The following TAOK1 variants were observed in gnomAD, a reference collection of about 807,000 sequenced individuals.
TAOK1 encodes the protein serine/threonine-protein kinase TAO1.
In TAOK1, 21 loss-of-function variants were observed where a neutral mutation model predicts 138.3. The ratio of observed to expected loss-of-function variants is 0.15; its 90% CI spans 0.11 to 0.22. TAOK1 has a LOEUF of 0.22. Ranked by LOEUF, TAOK1 falls within the 10% of genes least tolerant of loss-of-function variation. The pLI, the probability that TAOK1 is intolerant of heterozygous loss-of-function variation, is 1.00. For missense variants in TAOK1, 651 were observed against 1,227.7 expected, an observed-to-expected ratio of 0.53 and a Z score of 7.02; for synonymous variants, 361 against 398.4, an observed-to-expected ratio of 0.91 and a Z score of 1.12.
chr17:29,517,207 C>T (rs1026001522), intron 15 of TAOK1, among the ~76,000 whole-genome samples: 2 of 152,024 alleles, frequency 1.3e-5, no homozygotes, highest in Non-Finnish European at 2.9e-5. Flanking sequence ...CCAGGATGGT[C>T]TCGATCTCCT....
At chr17:29,419,332 G>C (rs753692117) in intron 1 of TAOK1, among the ~76,000 whole-genome samples, 16 of 151,910 alleles carry the variant, frequency 1.1e-4, no homozygotes, top group Non-Finnish European at 2.2e-4. Flanking sequence ...CAGTAGCTGG[G>C]ATTACAGGCA....
chr17:29,504,024 T>C (rs935180238), intron 13 of TAOK1, among the ~76,000 whole-genome samples: 10 of 151,544 alleles, frequency 6.6e-5, no homozygotes, highest in Non-Finnish European at 1.5e-4. Flanking sequence ...GGCTGGAGAA[T>C]CGCTTGAACC....
chr17:29,392,642 A>G (rs1394111552), intron 1 of TAOK1, among the ~76,000 whole-genome samples: 1 of 152,186 alleles, frequency 6.6e-6, no homozygotes, highest in Non-Finnish European at 1.5e-5. Flanking sequence ...TTTAGTAAAT[A>G]CTGGTGATGT....
intron 1 of TAOK1, among the ~76,000 whole-genome samples, chr17:29,399,673 T>C (rs1218991188): frequency 6.6e-6 from 1 of 152,180 alleles, no homozygotes; most frequent in Admixed American, 6.6e-5. Context: ...AGTTAGAATA[T>C]CAAGGTAGCT....
In TAOK1 at chr17:29,482,158, T is replaced by G. The variant is rs76881935; in HGVS notation, c.564-39T>G. The G allele has an allele frequency of 2.0e-6, 3 of 1,486,632 alleles. No homozygotes were observed. In the South Asian group the frequency reaches 3.5e-5, roughly 17 times the overall value. 92.1% of individuals were successfully genotyped at this position (1,486,632 alleles called of 1,614,324 possible). A position where few individuals can be genotyped will look rare whatever the true frequency, so the allele number is the denominator to read the frequency against. On this transcript the variant is annotated intron_variant, in intron 7 of 19. Transcript: ENST00000261716. ...CATTCTCAAAGGATAGAATACTTTT[T>G]AAAAAAAATCTTTAATTTAAATTAA...
Position 29,444,352 on chromosome 17 carries a change from G to T in TAOK1, c.-94-7103G>T, listed in dbSNP as rs557299738. Among the ~76,000 whole-genome samples the T allele has an allele frequency of 4.6e-5, 7 of 152,292 alleles. No homozygotes were observed. The East Asian group carries it at 1.4e-3, about 29-fold the overall frequency. ...TGTTGTAACAATATTCTGAATAGGT[G>T]CAGGGTAACCAGGATGGTGCTAATT... On this transcript the variant is annotated intron_variant, in intron 1 of 19. Transcript: ENST00000261716.
intron 1 of TAOK1, among the ~76,000 whole-genome samples, chr17:29,432,114 A>G (rs1008003084): frequency 2.0e-5 from 3 of 152,204 alleles, no homozygotes; most frequent in African/African-American, 4.8e-5. Flanking sequence ...GTGGGAAATC[A>G]GGGGGCTGAC....
Position 29,517,578 on chromosome 17 carries a change from C to T in TAOK1, c.1830C>T (p.Tyr610=), listed in dbSNP as rs987118312. The T allele has an allele frequency of 6.2e-7, 1 of 1,613,774 alleles. No individual in the cohort carries two copies. Among genetic ancestry groups the T allele is most frequent in the Non-Finnish European group, 8.5e-7 (1 of 1,180,024 alleles). ...ACCTTCTTCGACGTCAAAGACAATA[C>T]CTAGAGCTGGAATGCCGTCGCTTCA... The part of the protein sequence containing the change: ...EANLLRRQRQ[Y]LELECRRFKR... The change falls in exon 16 of 20, where the codon TAC becomes TAT. Residue 610 remains tyrosine (Y), a synonymous_variant. Transcript: ENST00000261716.
intron 1 of TAOK1, among the ~76,000 whole-genome samples, chr17:29,405,897 G>T (rs1904978330): frequency 6.6e-6 from 1 of 152,092 alleles, no homozygotes; most frequent in African/African-American, 2.4e-5. Flanking sequence ...AGGCAGTGTG[G>T]TTATTAAAAT....
Position 29,545,324 on chromosome 17 carries a change from A to G in TAOK1, c.*2302A>G, listed in dbSNP as rs1427356613. The stretch of plus-strand genomic sequence containing the variant: ...AATTTAATAAAATGTCAAAAATACA[A>G]TTTGATACCCTTAAAAATTATTCAT... On this transcript the variant is annotated 3_prime_UTR_variant, in exon 20 of 20. Transcript: ENST00000261716. 1 of 152,220 alleles carries G rather than the reference A, an allele frequency of 6.6e-6. No individual in the cohort carries two copies. Among genetic ancestry groups the G allele is most frequent in the Non-Finnish European group, 1.5e-5 (1 of 68,028 alleles). The allele number at this position is 152,220 out of a possible 1,614,324, so 9.4% of individuals were successfully genotyped here.
chr17:29,394,243 G>A lies in TAOK1; in HGVS notation c.-95+3219G>A, dbSNP rs184347372. Among the ~76,000 whole-genome samples, 84 of 127,628 alleles carry A rather than the reference G, an allele frequency of 6.6e-4. 1 individual carries two copies. The East Asian group carries it at 0.022, about 34-fold the overall frequency. The allele number at this position is 127,628 out of a possible 152,430, so 83.7% of individuals were successfully genotyped here. ...TGCAGTGGCACGATCTCGGCTCACT[G>A]CAAGTTCCACCTCCTGGGTTTACGC... On this transcript the variant is annotated intron_variant, in intron 1 of 19. Transcript: ENST00000261716.
rs776066355 is a variant in TAOK1 at position 29,510,895 on chromosome 17, T to G, written c.1607T>G (p.Phe536Cys). The G allele has an allele frequency of 6.2e-7, 1 of 1,606,068 alleles. No homozygotes were observed. Among genetic ancestry groups the G allele is most frequent in the Admixed American group, 1.7e-5 (1 of 58,576 alleles). Residue 536 changes from phenylalanine to cysteine, a missense_variant, in exon 15 of 20, where the codon TTT becomes TGT. Around this residue, in one of 8 missense-constraint regions of TAOK1, gnomAD observed 258 missense variants for 548.9 expected, o/e 0.47. Coordinates refer to ENST00000261716, the MANE Select transcript of TAOK1 (RefSeq NM_020791.4). ...AKVMSNEEKK[F>C]QQHIQAQQKK... is the part of the protein sequence containing the mutation. ...GTGATGTCCAATGAAGAGAAAAAAT[T>G]TCAGCAACATATTCAGGCCCAACAG... is the stretch of plus-strand genomic sequence containing the variant.
chr17:29,522,094 A>C (rs771943841), intron 16 of TAOK1, among the ~76,000 whole-genome samples, 186 bp from the exon 17 acceptor site: 1 of 152,252 alleles, frequency 6.6e-6, no homozygotes, highest in Non-Finnish European at 1.5e-5. Flanking sequence ...AAATGAATAT[A>C]AGGAAATTTG....
intron 8 of TAOK1, among the ~76,000 whole-genome samples, chr17:29,488,619 T>TTTAATTGTTTAACAA (rs1567732493): frequency 6.8e-6 from 1 of 147,882 alleles, no homozygotes; most frequent in Non-Finnish European, 1.5e-5. Context: ...TTGTTAATTT[T>TTTAATTGTTTAACAA]TTAATTGTTA....
Position 29,547,908 on chromosome 17 carries a change from T to G in TAOK1, c.*4886T>G, listed in dbSNP as rs555635228. 6.6e-6 allele frequency: 1 copy of G among 152,128 alleles called. No homozygotes were observed. Among genetic ancestry groups the G allele is most frequent in the Non-Finnish European group, 1.5e-5 (1 of 67,988 alleles). 9.4% of individuals were successfully genotyped at this position (152,128 alleles called of 1,614,324 possible). A position where few individuals can be genotyped will look rare whatever the true frequency, so the allele number is the denominator to read the frequency against. On this transcript the variant is annotated 3_prime_UTR_variant, in exon 20 of 20. Transcript: ENST00000261716. ...CCTCTTGTATGCAAGGACTACTGAT[T>G]GAAGTCTGTTTTGCTGTGTCTGGTT... is the stretch of plus-strand genomic sequence containing the variant.
intron 3 of TAOK1, among the ~76,000 whole-genome samples, chr17:29,467,623 G>A (rs1232088675): frequency 6.6e-6 from 1 of 151,924 alleles, no homozygotes; most frequent in Non-Finnish European, 1.5e-5. Flanking sequence ...TTTTAACTGG[G>A]GAGGAAGGGT....
intron 1 of TAOK1, among the ~76,000 whole-genome samples, chr17:29,436,968 G>C (rs941165691): frequency 3.3e-5 from 5 of 152,068 alleles, no homozygotes; most frequent in African/African-American, 1.2e-4. Flanking sequence ...TAAAACACTT[G>C]ATATTATAAA....
At chr17:29,429,209 T>G (rs74612045) in intron 1 of TAOK1, among the ~76,000 whole-genome samples, 6 of 152,206 alleles carry the variant, frequency 3.9e-5, no homozygotes, top group Admixed American at 1.3e-4. Context: ...TTGTTTTTAC[T>G]TAATAATTTC....
At position 29,514,828 on chromosome 17, in the gene TAOK1, G is replaced by GC. The variant is rs1236503825; in HGVS notation, c.1705-2624dup. ...GCAACATGTTGAGACCCTGTGTCTAGCAAAAAAAAAAAAAAAAATCATTAG... is the reference window on the plus strand; with the variant it reads ...GCAACATGTTGAGACCCTGTGTCTAGCCAAAAAAAAAAAAAAAAATCATTAG... On this transcript the variant is annotated intron_variant, in intron 15 of 19. Coordinates refer to ENST00000261716, the MANE Select transcript of TAOK1 (RefSeq NM_020791.4). 17 of 129,560 alleles carry GC rather than the reference G, an allele frequency of 1.3e-4. 1 individual carries two copies. The highest frequency in any genetic ancestry group is 1.0e-3 in the Admixed American group (13 of 12,712). The allele number at this position is 129,560 out of a possible 1,614,324, so 8.0% of individuals were successfully genotyped here.
Sources: gnomAD v4.1 joint callset for allele counts (sites outside exome capture counted in the v4.1 genomes callset) on GRCh38, gnomAD v4.1.1 for gene constraint, gnomAD v4.1.1 regional missense constraint, MANE v1.5 for transcripts, NCBI Gene and HGNC (gene_info 2026-07-23, HGNC 2026-07-21) for gene names.